Variants in PDE3A observed in about 807,000 individuals in gnomAD.
PDE3A encodes the protein cGMP-inhibited 3',5'-cyclic phosphodiesterase 3A.
Under a neutral mutation model 98.3 loss-of-function variants are expected in PDE3A, and 43 were observed. That is an observed-to-expected ratio of 0.44 (90% CI 0.34 to 0.56). PDE3A has a LOEUF of 0.56. Ranked by LOEUF, PDE3A falls within the 20% of genes least tolerant of loss-of-function variation. The pLI is 0.01. For missense variants in PDE3A, 1,427 were observed against 1,440.7 expected (o/e 0.99, Z 0.15); for synonymous variants, 663 against 567.9 (o/e 1.17, Z -2.38).
Position 20,370,330 on chromosome 12 carries a change from G to T in PDE3A, c.960+86G>T, listed in dbSNP as rs562384410. ...AGAGTGGAGAGAATCCGAGCGCTGG[G>T]AACTAAAGGGAAGATAGCCTAGAAA... On this transcript the variant is annotated intron_variant, in intron 1 of 15. Coordinates refer to ENST00000359062, the MANE Select transcript of PDE3A (RefSeq NM_000921.5). 3.5e-6 allele frequency: 4 copies of T among 1,149,228 alleles called. No homozygotes were observed. In the African/African-American group the frequency reaches 6.2e-5, roughly 18 times the overall value. 71.2% of individuals were successfully genotyped at this position (1,149,228 alleles called of 1,614,324 possible). A position where few individuals can be genotyped will look rare whatever the true frequency, so the allele number is the denominator to read the frequency against.
intron 3 of PDE3A, among the ~76,000 whole-genome samples, chr12:20,615,645 C>G (rs1200221117): frequency 1.3e-5 from 2 of 151,838 alleles, no homozygotes; most frequent in South Asian, 2.1e-4. Flanking sequence ...TAAAATTATC[C>G]CAGAGGCAAT....
chr12:20,397,936 TTGAC>T (rs1242592418), intron 1 of PDE3A, among the ~76,000 whole-genome samples: 1 of 152,180 alleles, frequency 6.6e-6, no homozygotes, highest in Non-Finnish European at 1.5e-5. Flanking sequence ...AGGAGAGGCT[TTGAC>T]TGAGTAGATG....
chr12:20,492,696 G>A (rs1670197303), intron 1 of PDE3A, among the ~76,000 whole-genome samples: 1 of 152,128 alleles, frequency 6.6e-6, no homozygotes, highest in Admixed American at 6.5e-5. Flanking sequence ...CTGCTGCACT[G>A]AGCAGGTGGG....
At chr12:20,656,355 A>C (rs1425371996) in intron 15 of PDE3A, among the ~76,000 whole-genome samples, 1 of 152,228 alleles carries the variant, frequency 6.6e-6, no homozygotes, top group African/African-American at 2.4e-5. Flanking sequence ...ATAAGCAAAC[A>C]TAAAGAAGTC....
chr12:20,672,024 A>C (rs567302959), intron 15 of PDE3A, among the ~76,000 whole-genome samples: 18 of 151,440 alleles, frequency 1.2e-4, no homozygotes, highest in African/African-American at 4.4e-4. Context: ...AAATCAATGT[A>C]CAAAAATCAC....
intron 1 of PDE3A, among the ~76,000 whole-genome samples, chr12:20,439,616 G>A (rs928301664): frequency 6.6e-6 from 1 of 152,124 alleles, no homozygotes; most frequent in Non-Finnish European, 1.5e-5. Context: ...TTCATGCTGC[G>A]AGCAAAATGG....
chr12:20,658,582 T>C (rs893473332), intron 15 of PDE3A, among the ~76,000 whole-genome samples: 1 of 152,092 alleles, frequency 6.6e-6, no homozygotes, highest in Non-Finnish European at 1.5e-5. Context: ...TGTGAGCTAG[T>C]GAAAAAGTGC....
intron 1 of PDE3A, among the ~76,000 whole-genome samples, chr12:20,444,483 T>G (rs1445991018): frequency 1.3e-5 from 2 of 152,238 alleles, no homozygotes; most frequent in Non-Finnish European, 2.9e-5. Flanking sequence ...TTGAGAAGCA[T>G]AGTCAATCAG....
intron 1 of PDE3A, among the ~76,000 whole-genome samples, chr12:20,423,747 A>G (rs923002728): frequency 8.5e-5 from 13 of 152,248 alleles, no homozygotes; most frequent in African/African-American, 3.1e-4. Flanking sequence ...GTAGCAAGTG[A>G]GCCAGAGACA....
intron 1 of PDE3A, among the ~76,000 whole-genome samples, chr12:20,374,069 T>G (rs1943528822): frequency 6.6e-6 from 1 of 152,140 alleles, no homozygotes; most frequent in African/African-American, 2.4e-5. Flanking sequence ...TTACTCAGTT[T>G]ATGGTGATTC....
intron 1 of PDE3A, among the ~76,000 whole-genome samples, chr12:20,389,271 A>G (rs1249272566): frequency 2.6e-5 from 4 of 151,908 alleles, no homozygotes; most frequent in Admixed American, 6.6e-5. Flanking sequence ...TGAAGTTAGC[A>G]TTTGGGTAGA....
chr12:20,437,053 TTGTGTG>T (rs57301891), intron 1 of PDE3A, among the ~76,000 whole-genome samples: 6 of 149,816 alleles, frequency 4.0e-5, no homozygotes, highest in East Asian at 2.0e-4. Flanking sequence ...AAATTTAAGA[TTGTGTG>T]TGTGTGTGTG....
chr12:20,531,168 T>C (rs1009870302), intron 1 of PDE3A, among the ~76,000 whole-genome samples: 1 of 152,198 alleles, frequency 6.6e-6, no homozygotes, highest in Admixed American at 6.5e-5. Context: ...AATTGTTCCA[T>C]TTATTCTACT....
Position 20,371,332 on chromosome 12 carries a change from A to G in PDE3A, c.960+1088A>G, listed in dbSNP as rs542540447. ...TTGAAGCAGATTTGTTCACCTCTCT[A>G]TTTGAAGTGGATTTGACACTTGATG... On this transcript the variant is annotated intron_variant, in intron 1 of 15. Transcript: ENST00000359062. The G allele has an allele frequency of 9.1e-6, 9 of 984,852 alleles. No homozygotes were observed. The African/African-American group carries it at 1.2e-4, about 13-fold the overall frequency. The allele number at this position is 984,852 out of a possible 1,614,324, so 61.0% of individuals were successfully genotyped here. A position where few individuals can be genotyped will look rare whatever the true frequency, so the allele number is the denominator to read the frequency against.
intron 15 of PDE3A, among the ~76,000 whole-genome samples, chr12:20,677,521 A>G (rs6487130): frequency 0.69 from 104,742 of 151,842 alleles, 36,338 homozygotes; most frequent in East Asian, 0.79. Context: ...GTGCAGTGGC[A>G]CCATCTTGGC....
rs1170290442 is a variant in PDE3A, at chr12:20,522,493, A to C, written c.961-34167A>C. On this transcript the variant is annotated intron_variant, in intron 1 of 15. Coordinates refer to ENST00000359062, the MANE Select transcript of PDE3A (RefSeq NM_000921.5). ...TATGCCAGAAAAGGCTGAGTTTTAC[A>C]AAGAAAATAAAACAGGGAAAGAAGA... 5.9e-5 allele frequency among the ~76,000 whole-genome samples: 9 copies of C among 152,232 alleles called. No individual in the cohort carries two copies. In the South Asian group the frequency reaches 1.9e-3, roughly 32 times the overall value.
At chr12:20,577,445 C>T (rs1942962234) in intron 2 of PDE3A, among the ~76,000 whole-genome samples, 1 of 152,188 alleles carries the variant, frequency 6.6e-6, no homozygotes, top group Non-Finnish European at 1.5e-5. Flanking sequence ...TAATGCCCCT[C>T]TCCTCACAGT....
At chr12:20,417,875 G>C (rs991443215) in intron 1 of PDE3A, among the ~76,000 whole-genome samples, 10 of 152,098 alleles carry the variant, frequency 6.6e-5, no homozygotes, top group African/African-American at 2.4e-4. Flanking sequence ...ATATGTGCCT[G>C]GCACATAAAT....
chr12:20,541,886 A>G (rs891542866), intron 1 of PDE3A, among the ~76,000 whole-genome samples: 6 of 152,124 alleles, frequency 3.9e-5, no homozygotes, highest in African/African-American at 1.4e-4. Context: ...CAAGTCTTAT[A>G]ATAAATTACT....
Sources: gnomAD v4.1 joint callset for allele counts (sites outside exome capture counted in the v4.1 genomes callset) on GRCh38, gnomAD v4.1.1 for gene constraint, MANE v1.5 for transcripts, NCBI Gene and HGNC (gene_info 2026-07-23, HGNC 2026-07-21) for gene names.